Variants in AKAP7 observed in about 807,000 individuals in gnomAD.
The protein encoded by AKAP7 is A kinase (PRKA) anchor protein 7.
Under a neutral mutation model 39.5 loss-of-function variants are expected in AKAP7, and 39 were observed. The observed-to-expected ratio is 0.99, with a 90% CI of 0.76 to 1.29. The LOEUF is 1.29. Ranked by LOEUF, AKAP7 falls within the 50% of genes most tolerant of loss-of-function variation. The probability of loss-of-function intolerance (pLI) is 0.00; values close to 1 mark genes in which losing one functional copy is unlikely to be tolerated. For synonymous variants in AKAP7, 140 were observed against 139.1 expected, an observed-to-expected ratio of 1.01 and a Z score of -0.05; for missense variants, 414 against 407.7, an observed-to-expected ratio of 1.02 and a Z score of -0.13.
intron 5 of AKAP7, among the ~76,000 whole-genome samples, chr6:131,189,660 T>C (rs1466830287): frequency 6.6e-6 from 1 of 152,216 alleles, no homozygotes. Context: ...GAAAAAAATA[T>C]GTAAAGCCTA....
chr6:131,165,316 G>A, intron 4 of AKAP7, 99 bp downstream of exon 4: 2 of 820,634 alleles, frequency 2.4e-6, no homozygotes, highest in East Asian at 2.7e-5. Context: ...TTTTAAAGAA[G>A]TAGTCTCTAT....
At chr6:131,201,786 G>A (rs1190811) in intron 6 of AKAP7, among the ~76,000 whole-genome samples, 2,837 of 152,180 alleles carry the variant, frequency 0.019, 48 homozygotes, top group Non-Finnish European at 0.029. Flanking sequence ...GTAAGGAAGG[G>A]ATCCAGTTTC....
intron 7 of AKAP7, among the ~76,000 whole-genome samples, chr6:131,274,334 G>C (rs997028862): frequency 6.6e-6 from 1 of 152,018 alleles, no homozygotes. Context: ...CATTATTTCT[G>C]CATTCGTTTT....
chr6:131,281,682 G>A lies in AKAP7; in HGVS notation c.1003G>A (p.Ala335Thr), dbSNP rs1472192032. ...PGEGSSVKTE[A>T]ADQNGNDNEN... ...GGAGGGGAGCTCTGTGAAAACCGAAGCAGCTGATCAGAATGGCAATGACAA... is the reference window on the plus strand; with the variant it reads ...GGAGGGGAGCTCTGTGAAAACCGAAACAGCTGATCAGAATGGCAATGACAA... Residue 335 changes from alanine (A) to threonine (T), a missense_variant, in exon 8 of 8, where the codon GCA (alanine) becomes ACA (threonine). Ala to Thr is a moderately conservative substitution (Grantham distance 58, BLOSUM62 0). Coordinates refer to ENST00000431975, the MANE Select transcript of AKAP7 (RefSeq NM_016377.4). The surrounding 1 kb of genome is among the most constrained non-coding windows in gnomAD (Gnocchi z 4.0). 3 of 1,612,648 alleles carry A rather than the reference G, an allele frequency of 1.9e-6. No homozygotes were observed. Among genetic ancestry groups the A allele is most frequent in the African/African-American group, 1.3e-5 (1 of 74,852 alleles).
At chr6:131,222,652 G>A (rs1237842734) in intron 7 of AKAP7, among the ~76,000 whole-genome samples, 1 of 152,160 alleles carries the variant, frequency 6.6e-6, no homozygotes, top group Non-Finnish European at 1.5e-5. Flanking sequence ...TCTTATGAAT[G>A]AACAAAATAA....
chr6:131,270,784 A>G (rs1266924782), intron 7 of AKAP7, among the ~76,000 whole-genome samples: 1 of 152,168 alleles, frequency 6.6e-6, no homozygotes, highest in Non-Finnish European at 1.5e-5. Flanking sequence ...GAGTAGTAGT[A>G]TCTCATTGTG....
intron 7 of AKAP7, among the ~76,000 whole-genome samples, chr6:131,221,658 A>G (rs1279660220): frequency 7.9e-5 from 12 of 152,240 alleles, no homozygotes; most frequent in African/African-American, 2.9e-4. Context: ...AGTTGAAGCC[A>G]GTGCTCATTG....
chr6:131,189,169 T>C (rs892405745), intron 5 of AKAP7, among the ~76,000 whole-genome samples: 1 of 152,208 alleles, frequency 6.6e-6, no homozygotes, highest in Non-Finnish European at 1.5e-5. Context: ...TGAGAGAGAA[T>C]ATCATACTGC....
chr6:131,279,199 G>C (rs1336761554), intron 7 of AKAP7, among the ~76,000 whole-genome samples: 1 of 152,192 alleles, frequency 6.6e-6, no homozygotes, highest in Non-Finnish European at 1.5e-5. Context: ...CTACAATCTC[G>C]TTTTGAGCTT....
At chr6:131,187,616 A>G (rs1014866365) in intron 5 of AKAP7, among the ~76,000 whole-genome samples, 7 of 152,162 alleles carry the variant, frequency 4.6e-5, no homozygotes, top group Admixed American at 1.3e-4. Flanking sequence ...TCCCAACCAG[A>G]ATTGAAAGGT....
the AKAP7 span, among the ~76,000 whole-genome samples, chr6:131,129,818 TG>T: frequency 6.6e-6 from 1 of 152,230 alleles, no homozygotes; most frequent in East Asian, 1.9e-4. Flanking sequence ...CAGTTAGCTT[TG>T]TACTGATATT....
intron 2 of AKAP7, among the ~76,000 whole-genome samples, chr6:131,156,331 A>G (rs1802416726): frequency 6.6e-6 from 1 of 152,140 alleles, no homozygotes; most frequent in East Asian, 1.9e-4. Flanking sequence ...TTTCAACATT[A>G]TATTTAATTT....
chr6:131,272,798 A>G (rs973050822), intron 7 of AKAP7, among the ~76,000 whole-genome samples: 7 of 152,186 alleles, frequency 4.6e-5, no homozygotes, highest in Non-Finnish European at 5.9e-5. Flanking sequence ...GGTTTTCTAT[A>G]CACTAAAACA....
upstream of AKAP7, among the ~76,000 whole-genome samples, chr6:131,130,705 G>A (rs935296418): frequency 1.3e-5 from 2 of 152,176 alleles, no homozygotes; most frequent in African/African-American, 4.8e-5. Context: ...AGGACTTTCC[G>A]GAGTCAAGAT....
intron 3 of AKAP7, 127 bp downstream of exon 3, chr6:131,160,325 C>A: frequency 1.1e-6 from 1 of 904,090 alleles, no homozygotes; most frequent in Admixed American, 2.7e-5. Context: ...CAGGACTGTC[C>A]AGGGAATATT....
In AKAP7 at chr6:131,219,717, A is replaced by G. The variant is rs751409940; in HGVS notation, c.759A>G (p.Gly253=). ...AAAAGTTTATCAGTCACAGATTTGG[A>G]GAAGAAATATTATATCGCATAGATC... ...LYEKFISHRF[G]EEILYRIDLC... The change falls in exon 7 of 8, where the codon GGA becomes GGG. Residue 253 remains glycine, a synonymous_variant. Coordinates refer to ENST00000431975, the MANE Select transcript of AKAP7 (RefSeq NM_016377.4). 6 of 1,598,760 alleles carry G rather than the reference A, an allele frequency of 3.8e-6. No homozygotes were observed. Among genetic ancestry groups the G allele is most frequent in the Middle Eastern group, 1.7e-4 (1 of 6,030 alleles).
Position 131,256,786 on chromosome 6 carries a change from C to A in AKAP7, c.851-24744C>A, listed in dbSNP as rs560869047. 0.014 allele frequency among the ~76,000 whole-genome samples: 2,152 copies of A among 151,952 alleles called. 137 individuals are homozygous for A. The East Asian group carries it at 0.17, about 12-fold the overall frequency. On this transcript the variant is annotated intron_variant, in intron 7 of 7. Transcript: ENST00000431975. Reference sequence around the variant, plus strand: ...AACTCCTGGCCTCAAGTGATCCTCCCACCTCGGCCTCCCAGAGTATTGGGA... The same window carrying A: ...AACTCCTGGCCTCAAGTGATCCTCCAACCTCGGCCTCCCAGAGTATTGGGA...
intron 6 of AKAP7, 94 bp from the exon 7 acceptor site, chr6:131,219,567 T>C: frequency 8.9e-7 from 1 of 1,121,734 alleles, no homozygotes; most frequent in Non-Finnish European, 1.3e-6. Context: ...AACAATGTAG[T>C]AATGTAATAA....
chr6:131,217,041 G>A (rs1809250076), intron 6 of AKAP7, among the ~76,000 whole-genome samples: 1 of 152,116 alleles, frequency 6.6e-6, no homozygotes, highest in African/African-American at 2.4e-5. Context: ...TCCATTGATA[G>A]TTAAGTAATA....
Sources: gnomAD v4.1 joint callset for allele counts (sites outside exome capture counted in the v4.1 genomes callset) on GRCh38, gnomAD v4.1.1 for gene constraint, Gnocchi (gnomAD v3.1) non-coding constraint, MANE v1.5 for transcripts, NCBI Gene and HGNC (gene_info 2026-07-23, HGNC 2026-07-21) for gene names.